GREP1: variants seen among roughly 807,000 people sequenced by gnomAD.
GREP1 encodes the protein glycine rich extracellular protein 1, also known as glycine-rich extracellular protein 1.
intron 22 of GREP1, 94 bp from the exon 21 acceptor site, chr16:2,997,709 G>C: frequency 2.5e-6 from 1 of 398,574 alleles, no homozygotes; most frequent in Non-Finnish European, 4.4e-6. Context: ...GGGGAGGTTG[G>C]CATGGGCACC....
intron 7 of GREP1, 111 bp downstream of exon 6, chr16:2,990,698 C>G (rs933668653): frequency 1.5e-5 from 6 of 398,400 alleles, no homozygotes; most frequent in Non-Finnish European, 2.6e-5. Context: ...AGGGTCTTCT[C>G]CAGGCTCCCA....
At position 2,996,681 on chromosome 16, in the gene GREP1, G is replaced by T. The variant is rs533984000; in HGVS notation, c.721G>T (p.Ala241Ser). The change falls in exon 20 of 35, where the codon GCG (alanine) becomes TCG (serine). Residue 241 changes from alanine to serine, a missense_variant. Physicochemically the swap from Ala to Ser is moderately conservative, Grantham distance 99. Coordinates refer to ENST00000573315, the Ensembl canonical transcript of GREP1. ...CTCTCTGTCTCTCCCAGGCCTAGGAGCGGGGATGAAGCCTCAGATGCCAGG... is the reference window on the plus strand; with the variant it reads ...CTCTCTGTCTCTCCCAGGCCTAGGATCGGGGATGAAGCCTCAGATGCCAGG... The T allele has an allele frequency of 7.5e-6, 3 of 398,916 alleles. No individual in the cohort carries two copies. The South Asian group carries it at 3.8e-4, about 51-fold the overall frequency. 24.7% of individuals were successfully genotyped at this position (398,916 alleles called of 1,614,324 possible). A position where few individuals can be genotyped will look rare whatever the true frequency, so the allele number is the denominator to read the frequency against.
At position 2,989,633 on chromosome 16, in the gene GREP1, T is replaced by TGGGCA; in HGVS notation, c.130+85_130+86insAGGGC. On this transcript the variant is annotated intron_variant, in intron 3 of 34. Transcript: ENST00000573315. The surrounding 1 kb of genome is among the most constrained non-coding windows in gnomAD (Gnocchi z 4.2). ...GAGGCAGGACAGGAACAGGGAAAGCTGGGCGGGGGGCAGGTAAAGGGGGAA... is the reference window on the plus strand; with the variant it reads ...GAGGCAGGACAGGAACAGGGAAAGCTGGGCAGGGCGGGGGGCAGGTAAAGGGGGAA... 1 of 260,902 alleles carries TGGGCA rather than the reference T, an allele frequency of 3.8e-6. No individual in the cohort carries two copies. Among genetic ancestry groups the TGGGCA allele is most frequent in the Admixed American group, 6.7e-5 (1 of 14,830 alleles). The allele number at this position is 260,902 out of a possible 1,614,324, so 16.2% of individuals were successfully genotyped here.
intron 10 of GREP1, chr16:2,994,339 C>A (rs2072413742): frequency 6.2e-6 from 1 of 160,702 alleles, no homozygotes; most frequent in Admixed American, 6.5e-5. Context: ...GAAACTCCGT[C>A]TCTACTAAAA....
At chr16:2,988,708 T>C in intron 2 of GREP1, 86 bp downstream of exon 2, 1 of 398,842 alleles carries the variant, frequency 2.5e-6, no homozygotes, top group Non-Finnish European at 4.4e-6. Flanking sequence ...GGACTCCCGA[T>C]GCGGGGCCCA....
Position 2,995,268 on chromosome 16 carries a change from C to T in GREP1, c.485-16C>T. The T allele has an allele frequency of 2.5e-6, 1 of 399,004 alleles. No homozygotes were observed. The highest frequency in any genetic ancestry group is 2.1e-5 in the African/African-American group (1 of 48,692). The allele number at this position is 399,004 out of a possible 1,614,324, so 24.7% of individuals were successfully genotyped here. The stretch of plus-strand genomic sequence containing the variant: ...GGGGCTCCTAGGTACCTCATCTGCT[C>T]CCCATTTTCCCAAAGGCTTTAGAGG... On this transcript the variant is annotated splice_polypyrimidine_tract_variant and intron_variant, in intron 13 of 34. Transcript: ENST00000573315.
chr16:3,000,913 C>T (rs1027082626), intron 33 of GREP1, 86 bp downstream of exon 27: 3 of 397,906 alleles, frequency 7.5e-6, no homozygotes, highest in Non-Finnish European at 1.3e-5. Context: ...ACCCACAGCC[C>T]CACAGAGATA....
At chr16:2,993,855 G>C (rs187231624) in intron 10 of GREP1, 1 of 152,386 alleles carries the variant, frequency 6.6e-6, no homozygotes, top group East Asian at 1.9e-4. Context: ...AGCTACTCGG[G>C]AGGCTGAGGC....
At chr16:2,995,190 G>A in intron 13 of GREP1, 94 bp from the exon 15 acceptor site, 1 of 398,416 alleles carries the variant, frequency 2.5e-6, no homozygotes, top group East Asian at 3.6e-5. Flanking sequence ...GTCCTGAGGG[G>A]GATGGGAGGA....
rs1203366320 is a variant in GREP1, at chr16:2,992,715, C to T, written c.323-90C>T. 9 of 397,856 alleles carry T rather than the reference C, an allele frequency of 2.3e-5. No homozygotes were observed. The highest frequency in any genetic ancestry group is 3.1e-5 in the Non-Finnish European group (7 of 225,714). 24.6% of individuals were successfully genotyped at this position (397,856 alleles called of 1,614,324 possible). ...ACAGAAAGGCAGAGGGCAGGGGTCA[C>T]GCGAGACAGAAAGGGAGAGGGCAGG... On this transcript the variant is annotated intron_variant, in intron 8 of 34. Coordinates refer to ENST00000573315, the Ensembl canonical transcript of GREP1. This position sits in a 1 kb window ranked among gnomAD's most constrained non-coding sequence, Gnocchi z 4.9.
Position 2,991,901 on chromosome 16 carries a change from T to A in GREP1, c.322+800T>A, listed in dbSNP as rs1486468911. ...AGGCCCAAAACCAGGTCAGGGAGGG[T>A]AGGGTGTTGCGGAGGGCCTGGGCTT... On this transcript the variant is annotated intron_variant, in intron 8 of 34. Coordinates refer to ENST00000573315, the Ensembl canonical transcript of GREP1. This position sits in a 1 kb window ranked among gnomAD's most constrained non-coding sequence, Gnocchi z 4.9. 2 of 152,170 alleles carry A rather than the reference T, an allele frequency of 1.3e-5. No homozygotes were observed. The allele number at this position is 152,170 out of a possible 1,614,324, so 9.4% of individuals were successfully genotyped here. A position where few individuals can be genotyped will look rare whatever the true frequency, so the allele number is the denominator to read the frequency against.
At position 2,992,451 on chromosome 16, in the gene GREP1, G is replaced by A; in HGVS notation, c.323-354G>A. 5.3e-6 allele frequency: 1 copy of A among 187,632 alleles called. No individual in the cohort carries two copies. The highest frequency in any genetic ancestry group is 1.1e-5 in the Non-Finnish European group (1 of 91,980). The allele number at this position is 187,632 out of a possible 1,614,324, so 11.6% of individuals were successfully genotyped here. A position where few individuals can be genotyped will look rare whatever the true frequency, so the allele number is the denominator to read the frequency against. On this transcript the variant is annotated intron_variant, in intron 8 of 34. Coordinates refer to ENST00000573315, the Ensembl canonical transcript of GREP1. This position sits in a 1 kb window ranked among gnomAD's most constrained non-coding sequence, Gnocchi z 4.9. ...GGAACCCAGCCAGGTCGGGGCCGAAGGGGCTGGGGTGGCTGGGGGAGAGGT... is the reference window on the plus strand; with the variant it reads ...GGAACCCAGCCAGGTCGGGGCCGAAAGGGCTGGGGTGGCTGGGGGAGAGGT...
chr16:3,000,761 T>TG lies in GREP1; in HGVS notation c.1471dup (p.Ala491GlyfsTer12), dbSNP rs2072457215. On this transcript the variant is annotated frameshift_variant, in exon 33 of 35. Transcript: ENST00000573315. LOFTEE classifies it high-confidence loss of function. ...CTCTCGCTGGCCCACCCTCCAGGCC[T>TG]GGGGGGCCGGCTTGAAGCCTGGATA... 1 of 398,894 alleles carries TG rather than the reference T, an allele frequency of 2.5e-6. No homozygotes were observed. The allele number at this position is 398,894 out of a possible 1,614,324, so 24.7% of individuals were successfully genotyped here. A position where few individuals can be genotyped will look rare whatever the true frequency, so the allele number is the denominator to read the frequency against.
exon 33 of GREP1, chr16:3,000,803 T>C: frequency 2.5e-6 from 1 of 398,978 alleles, no homozygotes; most frequent in Non-Finnish European, 4.4e-6. Context: ...TGGAGATGAA[T>C]ATGCTGAGGC....
intron 21 of GREP1, 60 bp downstream of exon 20, chr16:2,997,145 C>T: frequency 7.5e-6 from 3 of 399,080 alleles, no homozygotes; most frequent in Non-Finnish European, 1.3e-5. Context: ...CTCCCTCATT[C>T]ATACCCCACC....
rs2072387447 is a variant in GREP1 at position 2,989,418 on chromosome 16, T to C, written c.101-105T>C. ...ACCCCACAGGCTTAGGGAGCCCAAA[T>C]GGCTACAGATCTGGTAAAGCTGGTG... is the stretch of plus-strand genomic sequence containing the variant. On this transcript the variant is annotated intron_variant, in intron 2 of 34. Transcript: ENST00000573315. This position sits in a 1 kb window ranked among gnomAD's most constrained non-coding sequence, Gnocchi z 4.2. 5.0e-6 allele frequency: 2 copies of C among 398,546 alleles called. No individual in the cohort carries two copies. The highest frequency in any genetic ancestry group is 4.4e-6 in the Non-Finnish European group (1 of 225,914). 24.7% of individuals were successfully genotyped at this position (398,546 alleles called of 1,614,324 possible).
At position 2,995,856 on chromosome 16, in the gene GREP1, G is replaced by C. The variant is rs1012345688; in HGVS notation, c.623-1G>C. On this transcript the variant is annotated splice_acceptor_variant, in intron 17 of 34. Transcript: ENST00000573315. LOFTEE classifies it high-confidence loss of function. ...TCTACTCATGCTCCCTCCCTCTCCA[G>C]GATATGGGAAAAGGCTGAGAGCAGG... 2.5e-6 allele frequency: 1 copy of C among 398,454 alleles called. No individual in the cohort carries two copies. The highest frequency in any genetic ancestry group is 4.4e-5 in the Admixed American group (1 of 22,722). 24.7% of individuals were successfully genotyped at this position (398,454 alleles called of 1,614,324 possible).
Position 2,989,142 on chromosome 16 carries a change from T to C in GREP1, c.101-381T>C, listed in dbSNP as rs74005553. On this transcript the variant is annotated intron_variant, in intron 2 of 34. Coordinates refer to ENST00000573315, the Ensembl canonical transcript of GREP1. The surrounding 1 kb of genome is among the most constrained non-coding windows in gnomAD (Gnocchi z 4.2). The stretch of plus-strand genomic sequence containing the variant: ...TTTCCATGAAGGGAGAGGAGCCCAG[T>C]ACTGAGAATGGATGGGAGAGGAGAG... 0.025 allele frequency: 6,822 copies of C among 273,702 alleles called. 433 individuals are homozygous for C. The highest frequency in any genetic ancestry group is 0.14 in the African/African-American group (6,238 of 45,682). The allele number at this position is 273,702 out of a possible 1,614,324, so 17.0% of individuals were successfully genotyped here.
At chr16:2,990,961 C>G (rs1596461294) in intron 7 of GREP1, 87 bp from the exon 7 acceptor site, 2 of 399,112 alleles carry the variant, frequency 5.0e-6, no homozygotes, top group East Asian at 7.1e-5. Context: ...CCACACCTGT[C>G]CCAGTGTCCA....
Sources: allele counts gnomAD v4.1 joint callset, GRCh38; gene constraint gnomAD v4.1.1; non-coding constraint Gnocchi (gnomAD v3.1); transcripts MANE v1.5; gene names NCBI Gene and HGNC (gene_info 2026-07-23, HGNC 2026-07-21).